The following ADAMTS16 variants were observed in gnomAD, a reference collection of about 807,000 sequenced individuals.
ADAMTS16 encodes ADAM metallopeptidase with thrombospondin type 1 motif 16, also known as A disintegrin and metalloproteinase with thrombospondin motifs 16.
Under a neutral mutation model 145.8 loss-of-function variants are expected in ADAMTS16, and 94 were observed. That is an observed-to-expected ratio of 0.64 (90% CI 0.55 to 0.77). The LOEUF is 0.77. ADAMTS16 is among the 30% of genes least tolerant of loss of function. ADAMTS16 has a pLI of 0.00. For missense variants in ADAMTS16, 1,585 were observed against 1,591.5 expected, an observed-to-expected ratio of 1.00 and a Z score of 0.07; for synonymous variants, 659 against 604.3, an observed-to-expected ratio of 1.09 and a Z score of -1.33.
intron 18 of ADAMTS16, among the ~76,000 whole-genome samples, chr5:5,281,400 TTAAAG>T (rs1738901099): frequency 6.6e-6 from 1 of 152,216 alleles, no homozygotes; most frequent in South Asian, 2.1e-4. Context: ...AAAATCAAAT[TTAAAG>T]TAATCAAAAT....
chr5:5,173,190 T>G (rs1735094051), intron 3 of ADAMTS16, among the ~76,000 whole-genome samples: 1 of 151,710 alleles, frequency 6.6e-6, no homozygotes, highest in East Asian at 1.9e-4. Flanking sequence ...TTTTTTTTTT[T>G]CTTAATCCAT....
intron 3 of ADAMTS16, among the ~76,000 whole-genome samples, chr5:5,171,242 C>G (rs1291006016): frequency 1.3e-5 from 2 of 152,082 alleles, no homozygotes; most frequent in African/African-American, 4.8e-5. Flanking sequence ...TTCTTTCTTT[C>G]TAATTTGAAT....
intron 9 of ADAMTS16, among the ~76,000 whole-genome samples, chr5:5,204,558 C>T (rs925098850): frequency 6.6e-6 from 1 of 152,164 alleles, no homozygotes; most frequent in Non-Finnish European, 1.5e-5. Flanking sequence ...GAGTTATGCA[C>T]CCTTGTGCAG....
intron 3 of ADAMTS16, among the ~76,000 whole-genome samples, chr5:5,161,877 C>T (rs746056842): frequency 3.9e-5 from 6 of 152,150 alleles, no homozygotes; most frequent in Admixed American, 6.6e-5. Context: ...GGGCAGGGGA[C>T]AGGGACTGTG....
intron 18 of ADAMTS16, among the ~76,000 whole-genome samples, chr5:5,281,709 T>C (rs1429372384): frequency 1.3e-5 from 2 of 152,074 alleles, no homozygotes; most frequent in East Asian, 3.9e-4. Flanking sequence ...CCACTGGGGA[T>C]TGTAGAGTGA....
chr5:5,256,654 T>C (rs1263819874), intron 17 of ADAMTS16, among the ~76,000 whole-genome samples: 4 of 152,242 alleles, frequency 2.6e-5, no homozygotes, highest in African/African-American at 7.2e-5. Context: ...TCTGTTTCTA[T>C]TTCAAAGCAA....
intron 10 of ADAMTS16, among the ~76,000 whole-genome samples, chr5:5,213,000 G>C (rs1189016657): frequency 1.3e-5 from 2 of 152,116 alleles, no homozygotes; most frequent in African/African-American, 2.4e-5. Context: ...CCCTAATTTA[G>C]AGTCTATGTA....
At chr5:5,177,016 A>G (rs1056852799) in intron 3 of ADAMTS16, among the ~76,000 whole-genome samples, 2 of 151,294 alleles carry the variant, frequency 1.3e-5, no homozygotes, top group African/African-American at 4.9e-5. Flanking sequence ...CCTCCAGATG[A>G]CTCCTTCCCA....
chr5:5,142,710 A>G (rs997155190), intron 2 of ADAMTS16, among the ~76,000 whole-genome samples: 1 of 152,212 alleles, frequency 6.6e-6, no homozygotes, highest in African/African-American at 2.4e-5. Flanking sequence ...GACTCAAACT[A>G]TTATTGCAAA....
At chr5:5,220,474 A>G (rs747547884) in intron 10 of ADAMTS16, among the ~76,000 whole-genome samples, 7 of 152,114 alleles carry the variant, frequency 4.6e-5, no homozygotes, top group Non-Finnish European at 7.4e-5. Context: ...TTAACATTTT[A>G]AAACACACTT....
chr5:5,318,373 C>G, intron 22 of ADAMTS16, 92 bp downstream of exon 22: 1 of 1,221,090 alleles, frequency 8.2e-7, no homozygotes, highest in East Asian at 2.9e-5. Flanking sequence ...GAGTTAGGGT[C>G]TTGCGTCTGA....
chr5:5,182,951 GC>G (rs936728578), intron 4 of ADAMTS16, among the ~76,000 whole-genome samples: 15 of 152,232 alleles, frequency 9.9e-5, no homozygotes, highest in African/African-American at 3.4e-4. Flanking sequence ...TCTCTGGACT[GC>G]CCCCTCTCCC....
intron 4 of ADAMTS16, among the ~76,000 whole-genome samples, chr5:5,182,675 G>C (rs1175382359): frequency 1.3e-5 from 2 of 152,154 alleles, no homozygotes; most frequent in South Asian, 2.1e-4. Context: ...TAGTTTTCCT[G>C]CTGAGGTAAT....
chr5:5,307,218 AC>A (rs1451572453), intron 21 of ADAMTS16, among the ~76,000 whole-genome samples: 1 of 150,918 alleles, frequency 6.6e-6, no homozygotes, highest in African/African-American at 2.4e-5. Context: ...GCCTCCCACC[AC>A]CCCTGCGATG....
At chr5:5,270,905 C>T (rs767551578) in intron 18 of ADAMTS16, among the ~76,000 whole-genome samples, 1 of 152,160 alleles carries the variant, frequency 6.6e-6, no homozygotes, top group South Asian at 2.1e-4. Context: ...CCTCAGCAGC[C>T]TGGCAAAGCT....
In ADAMTS16 at chr5:5,317,530, G is replaced by C. The variant is rs761023496; in HGVS notation, c.3412-604G>C. On this transcript the variant is annotated intron_variant, in intron 21 of 22. Coordinates refer to ENST00000274181, the MANE Select transcript of ADAMTS16 (RefSeq NM_139056.4). The surrounding 1 kb of genome is among the most constrained non-coding windows in gnomAD (Gnocchi z 4.5). Reference sequence around the variant, plus strand: ...ATGCCTCAGCTTCCCAAGTAGCTGGGATTACAGGTGCCCACCACCAGGCCC... The same window carrying C: ...ATGCCTCAGCTTCCCAAGTAGCTGGCATTACAGGTGCCCACCACCAGGCCC... Among the ~76,000 whole-genome samples the C allele has an allele frequency of 9.2e-5, 14 of 152,002 alleles. No homozygotes were observed. Among genetic ancestry groups the C allele is most frequent in the Non-Finnish European group, 2.1e-4 (14 of 67,992 alleles).
At chr5:5,160,405 A>G (rs1734711205) in intron 3 of ADAMTS16, among the ~76,000 whole-genome samples, 1 of 152,174 alleles carries the variant, frequency 6.6e-6, no homozygotes, top group African/African-American at 2.4e-5. Flanking sequence ...GGGCTCATGC[A>G]GTCTAGTTAA....
rs561128531 is a variant in ADAMTS16 at position 5,226,702 on chromosome 5, C to T, written c.1701+3818C>T. 2.6e-5 allele frequency among the ~76,000 whole-genome samples: 4 copies of T among 152,274 alleles called. No individual in the cohort carries two copies. The East Asian group carries it at 5.8e-4, about 22-fold the overall frequency. ...GGCACCTCGTCTCCTCTCTCTGCTA[C>T]TGAGGGTGCTGCTGAGGCTCCACAG... On this transcript the variant is annotated intron_variant, in intron 11 of 22. Transcript: ENST00000274181.
At chr5:5,236,047 G>A (rs1000533305) in intron 13 of ADAMTS16, among the ~76,000 whole-genome samples, 8 of 152,196 alleles carry the variant, frequency 5.3e-5, no homozygotes, top group African/African-American at 1.9e-4. Flanking sequence ...CTAGGGAGGA[G>A]AGAAAGGTAG....
Sources: allele counts gnomAD v4.1 joint callset (sites outside exome capture counted in the v4.1 genomes callset), GRCh38; gene constraint gnomAD v4.1.1; non-coding constraint Gnocchi (gnomAD v3.1); transcripts MANE v1.5; gene names NCBI Gene and HGNC (gene_info 2026-07-23, HGNC 2026-07-21).